The following DPEP2NB variants were observed in gnomAD, a reference collection of about 807,000 sequenced individuals.
The protein encoded by DPEP2NB is DPEP2 neighbor protein.
For synonymous variants in DPEP2NB, 35 were observed against 55.3 expected (o/e 0.63, Z 1.63); for missense variants, 117 against 151.8 (o/e 0.77, Z 1.21).
rs921980421 is a variant in DPEP2NB at position 68,015,495 on chromosome 16, G to A, written c.67+209C>T. Among the ~76,000 whole-genome samples the A allele has an allele frequency of 3.5e-5, 5 of 143,934 alleles. No homozygotes were observed. In the Admixed American group the frequency reaches 3.5e-4, roughly 10 times the overall value. 94.4% of individuals were successfully genotyped at this position (143,934 alleles called of 152,430 possible). On this transcript the variant is annotated intron_variant, in intron 1 of 1. Transcript: ENST00000574912. Reference sequence around the variant, plus strand: ...AAAAAAAAGATGAGAACCTTTCTGAGCACCTGCTCAGATGACATTTCACTT... The same window carrying A: ...AAAAAAAAGATGAGAACCTTTCTGAACACCTGCTCAGATGACATTTCACTT...
In DPEP2NB at chr16:68,015,855, G is replaced by T; in HGVS notation, c.-85C>A. 1.5e-6 allele frequency: 1 copy of T among 684,388 alleles called. No homozygotes were observed. Among genetic ancestry groups the T allele is most frequent in the Non-Finnish European group, 2.0e-6 (1 of 488,502 alleles). The allele number at this position is 684,388 out of a possible 1,614,324, so 42.4% of individuals were successfully genotyped here. ...TAGGACGCAGGTGTGTAGTCACGCTGCCATGGAAACTTTGGAAGCTTGTGA... is the reference window on the plus strand; with the variant it reads ...TAGGACGCAGGTGTGTAGTCACGCTTCCATGGAAACTTTGGAAGCTTGTGA... On this transcript the variant is annotated 5_prime_UTR_variant, in exon 1 of 2. Coordinates refer to ENST00000574912, the MANE Select transcript of DPEP2NB (RefSeq NM_001282442.2).
At chr16:68,015,293 G>A (rs1449399762) in intron 1 of DPEP2NB, among the ~76,000 whole-genome samples, 2 of 149,590 alleles carry the variant, frequency 1.3e-5, no homozygotes, top group African/African-American at 4.9e-5. Flanking sequence ...CTAGGGAGAC[G>A]AGTTGGGAGA....
chr16:68,013,877 T>G lies in DPEP2NB; in HGVS notation c.*231A>C, dbSNP rs1370993481. On this transcript the variant is annotated 3_prime_UTR_variant, in exon 2 of 2. Coordinates refer to ENST00000574912, the MANE Select transcript of DPEP2NB (RefSeq NM_001282442.2). ...GAGATGAGTAGAGGAACATCAGGTTTTCTTCCAGGCCGTCTTCAGCCTTGG... is the reference window on the plus strand; with the variant it reads ...GAGATGAGTAGAGGAACATCAGGTTGTCTTCCAGGCCGTCTTCAGCCTTGG... 1.0e-5 allele frequency: 4 copies of G among 385,112 alleles called. No individual in the cohort carries two copies. Among genetic ancestry groups the G allele is most frequent in the Non-Finnish European group, 1.8e-5 (4 of 218,788 alleles). The allele number at this position is 385,112 out of a possible 1,614,324, so 23.9% of individuals were successfully genotyped here.
In DPEP2NB at chr16:68,014,326, C is replaced by A. The variant is rs2033152743; in HGVS notation, c.154G>T (p.Gly52Trp). 5 of 1,231,804 alleles carry A rather than the reference C, an allele frequency of 4.1e-6. No individual in the cohort carries two copies. The South Asian group carries it at 2.1e-4, about 51-fold the overall frequency. The allele number at this position is 1,231,804 out of a possible 1,614,324, so 76.3% of individuals were successfully genotyped here. A position where few individuals can be genotyped will look rare whatever the true frequency, so the allele number is the denominator to read the frequency against. Residue 52 changes from glycine (G) to tryptophan (W), a missense_variant, in exon 2 of 2, where the codon GGG becomes TGG. Coordinates refer to ENST00000574912, the MANE Select transcript of DPEP2NB (RefSeq NM_001282442.2). The part of the protein sequence containing the change: ...GCGETQVGWH[G>W]ETYCLVGGYR... ...CCACCAACCAGGCAGTACGTCTCCC[C>A]ATGCCAGCCTACCTGAGTTTCTCCA...
Position 68,015,699 on chromosome 16 carries a change from C to T in DPEP2NB, c.67+5G>A. The T allele has an allele frequency of 1.6e-6, 2 of 1,230,206 alleles. No homozygotes were observed. Among genetic ancestry groups the T allele is most frequent in the African/African-American group, 1.6e-5 (1 of 64,492 alleles). The allele number at this position is 1,230,206 out of a possible 1,614,324, so 76.2% of individuals were successfully genotyped here. A position where few individuals can be genotyped will look rare whatever the true frequency, so the allele number is the denominator to read the frequency against. On this transcript the variant is annotated splice_donor_5th_base_variant and intron_variant, in intron 1 of 1. Transcript: ENST00000574912. Reference sequence around the variant, plus strand: ...CTCCTGTATAGATGCCCCCTGTATGCCTACCTGCTGCGCTGCCCTCCCAGG... The same window carrying T: ...CTCCTGTATAGATGCCCCCTGTATGTCTACCTGCTGCGCTGCCCTCCCAGG...
At chr16:68,015,370 C>T (rs148096074) in intron 1 of DPEP2NB, among the ~76,000 whole-genome samples, 12 of 116,662 alleles carry the variant, frequency 1.0e-4, no homozygotes, top group East Asian at 4.9e-4. Context: ...CCAACCTGGA[C>T]GACAGAGAAC....
chr16:68,014,035 G>T lies in DPEP2NB; in HGVS notation c.*73C>A. ...ACTCAGGCTCTATCTGCAGTGGTGGGCAGGGGAGGTCACCGCAGAAGAGGC... is the reference window on the plus strand; with the variant it reads ...ACTCAGGCTCTATCTGCAGTGGTGGTCAGGGGAGGTCACCGCAGAAGAGGC... On this transcript the variant is annotated 3_prime_UTR_variant, in exon 2 of 2. Coordinates refer to ENST00000574912, the MANE Select transcript of DPEP2NB (RefSeq NM_001282442.2). The T allele has an allele frequency of 8.8e-7, 1 of 1,135,774 alleles. No homozygotes were observed. The highest frequency in any genetic ancestry group is 1.1e-6 in the Non-Finnish European group (1 of 900,706). The allele number at this position is 1,135,774 out of a possible 1,614,324, so 70.4% of individuals were successfully genotyped here.
At chr16:68,015,441 G>A (rs895705986) in intron 1 of DPEP2NB, among the ~76,000 whole-genome samples, 48 of 43,314 alleles carry the variant, frequency 1.1e-3, no homozygotes, top group Admixed American at 2.0e-3. Context: ...AACATAGCAA[G>A]ACCCCATCTC....
At position 68,015,750 on chromosome 16, in the gene DPEP2NB, A is replaced by G. The variant is rs1465174642; in HGVS notation, c.21T>C (p.Tyr7=). 3.2e-6 allele frequency: 4 copies of G among 1,231,576 alleles called. No homozygotes were observed. The highest frequency in any genetic ancestry group is 4.1e-5 in the South Asian group (1 of 24,326). The allele number at this position is 1,231,576 out of a possible 1,614,324, so 76.3% of individuals were successfully genotyped here. The change falls in exon 1 of 2, where the codon TAT becomes TAC. Residue 7 remains tyrosine, a synonymous_variant. Transcript: ENST00000574912. The part of the protein sequence containing the change: MTDRIL[Y]IVSNMSSVPW... ...GGACAGAGGACATGTTAGAGACAAT[A>G]TAGAGGATCCGGTCAGTCATTCTCT...
At chr16:68,014,724 A>C (rs920751252) in intron 1 of DPEP2NB, among the ~76,000 whole-genome samples, 1 of 152,174 alleles carries the variant, frequency 6.6e-6, no homozygotes, top group African/African-American at 2.4e-5. Context: ...ATGATCTACT[A>C]TCAGCCAGGT....
chr16:68,015,907 TA>T lies in DPEP2NB; in HGVS notation c.-138del, dbSNP rs558905744. On this transcript the variant is annotated 5_prime_UTR_variant, in exon 1 of 2. Coordinates refer to ENST00000574912, the MANE Select transcript of DPEP2NB (RefSeq NM_001282442.2). ...GTCATCACTACCCTGTGAAGTCACCTAAGGAATCTGTGACTTAAGGGGCAGG... is the reference window on the plus strand; with the variant it reads ...GTCATCACTACCCTGTGAAGTCACCTAGGAATCTGTGACTTAAGGGGCAGG... 119 of 409,854 alleles carry T rather than the reference TA, an allele frequency of 2.9e-4. No homozygotes were observed. In the East Asian group the frequency reaches 4.2e-3, roughly 14 times the overall value. The allele number at this position is 409,854 out of a possible 1,614,324, so 25.4% of individuals were successfully genotyped here. A position where few individuals can be genotyped will look rare whatever the true frequency, so the allele number is the denominator to read the frequency against.
Position 68,015,802 on chromosome 16 carries a change from T to G in DPEP2NB, c.-32A>C. On this transcript the variant is annotated 5_prime_UTR_variant, in exon 1 of 2. Transcript: ENST00000574912. ...TCAGCCAACCAAACAGATTGGTATC[T>G]TACAGAGAAATGGTAGGGAGGCTTC... 8.5e-7 allele frequency: 1 copy of G among 1,176,316 alleles called. No individual in the cohort carries two copies. The highest frequency in any genetic ancestry group is 3.2e-5 in the East Asian group (1 of 31,458). The allele number at this position is 1,176,316 out of a possible 1,614,324, so 72.9% of individuals were successfully genotyped here.
chr16:68,015,372 A>G (rs576055205), intron 1 of DPEP2NB, among the ~76,000 whole-genome samples: 102 of 142,350 alleles, frequency 7.2e-4, no homozygotes, highest in South Asian at 1.7e-3. Flanking sequence ...AACCTGGACG[A>G]CAGAGAACCT....
chr16:68,014,756 C>T (rs2033156377), intron 1 of DPEP2NB, among the ~76,000 whole-genome samples: 1 of 152,214 alleles, frequency 6.6e-6, no homozygotes, highest in Admixed American at 6.5e-5. Context: ...CGCTTATAAT[C>T]TCAGCACTTT....
Position 68,015,710 on chromosome 16 carries a change from C to T in DPEP2NB, c.61G>A (p.Ala21Thr), listed in dbSNP as rs1275916521. 9 of 1,231,140 alleles carry T rather than the reference C, an allele frequency of 7.3e-6. No homozygotes were observed. The highest frequency in any genetic ancestry group is 4.2e-5 in the Admixed American group (1 of 23,676). 76.3% of individuals were successfully genotyped at this position (1,231,140 alleles called of 1,614,324 possible). A position where few individuals can be genotyped will look rare whatever the true frequency, so the allele number is the denominator to read the frequency against. The change falls in exon 1 of 2, where the codon GCA becomes ACA. Residue 21 changes from alanine (A) to threonine (T), a missense_variant. Ala to Thr is a moderately conservative substitution (Grantham distance 58). Transcript: ENST00000574912. ...NMSSVPWEGS[A>T]AAAVPATSPP... is the part of the protein sequence containing the mutation. ...ATGCCCCCTGTATGCCTACCTGCTGCGCTGCCCTCCCAGGGGACAGAGGAC... is the reference window on the plus strand; with the variant it reads ...ATGCCCCCTGTATGCCTACCTGCTGTGCTGCCCTCCCAGGGGACAGAGGAC...
chr16:68,013,909 C>A lies in DPEP2NB; in HGVS notation c.*199G>T. 2.4e-6 allele frequency: 1 copy of A among 414,050 alleles called. No individual in the cohort carries two copies. The highest frequency in any genetic ancestry group is 4.1e-6 in the Non-Finnish European group (1 of 242,056). 25.6% of individuals were successfully genotyped at this position (414,050 alleles called of 1,614,324 possible). On this transcript the variant is annotated 3_prime_UTR_variant, in exon 2 of 2. Coordinates refer to ENST00000574912, the MANE Select transcript of DPEP2NB (RefSeq NM_001282442.2). ...AGGCCGTCTTCAGCCTTGGGATGTTCAAAGCAACCTCTCATTTTAAACCAC... is the reference window on the plus strand; with the variant it reads ...AGGCCGTCTTCAGCCTTGGGATGTTAAAAGCAACCTCTCATTTTAAACCAC...
intron 1 of DPEP2NB, among the ~76,000 whole-genome samples, chr16:68,014,938 G>A (rs146907836): frequency 0.017 from 2,616 of 152,116 alleles, 26 homozygotes; most frequent in Non-Finnish European, 0.026. Context: ...CTGGGAGGCG[G>A]AGGTTGCAGT....
rs1244386089 is a variant in DPEP2NB, at chr16:68,015,627, C to T, written c.67+77G>A. 3.4e-6 allele frequency: 3 copies of T among 872,148 alleles called. No individual in the cohort carries two copies. The African/African-American group carries it at 5.2e-5, about 15-fold the overall frequency. The allele number at this position is 872,148 out of a possible 1,614,324, so 54.0% of individuals were successfully genotyped here. A position where few individuals can be genotyped will look rare whatever the true frequency, so the allele number is the denominator to read the frequency against. ...GAAAGCTCGAGGTGTGGTGGGCCAG[C>T]CCAGAAGGAATGTGTCAGCCAGGTG... On this transcript the variant is annotated intron_variant, in intron 1 of 1. Transcript: ENST00000574912.
At chr16:68,015,335 T>C (rs1466989634) in intron 1 of DPEP2NB, among the ~76,000 whole-genome samples, 1 of 133,606 alleles carries the variant, frequency 7.5e-6, no homozygotes. Context: ...GAGGTTTCAG[T>C]GAGCTGTGAT....
Sources: allele counts gnomAD v4.1 joint callset (sites outside exome capture counted in the v4.1 genomes callset), GRCh38; gene constraint gnomAD v4.1.1; transcripts MANE v1.5; gene names NCBI Gene and HGNC (gene_info 2026-07-23, HGNC 2026-07-21).